PRRG3: variants seen among roughly 807,000 people sequenced by gnomAD.
PRRG3 encodes the protein transmembrane gamma-carboxyglutamic acid protein 3.
In PRRG3, 21 loss-of-function variants were observed where a neutral mutation model predicts 15.8. The ratio of observed to expected loss-of-function variants is 1.33; its 90% confidence interval spans 0.94 to 1.92. The LOEUF is 1.92. Among genes scored for constraint, PRRG3 ranks in the 40% most tolerant of loss-of-function variants. The pLI is 0.00. For missense variants in PRRG3, 251 were observed against 200.2 expected (o/e 1.25, Z -1.53); for synonymous variants, 125 against 84.1 (o/e 1.49, Z -2.66).
chrX:151,698,717 G>A (rs1307049684), intron 1 of PRRG3, 67 bp from the exon 2 acceptor site: 7 of 893,133 alleles, frequency 7.8e-6, no homozygotes, highest in Non-Finnish European at 1.1e-5. Flanking sequence ...ACATCCCAGA[G>A]CCAAGAGTGT....
chrX:151,699,014 T>C (rs765418171), intron 2 of PRRG3, among the ~76,000 whole-genome samples, 193 bp downstream of exon 2: 19 of 112,461 alleles, frequency 1.7e-4, no homozygotes, highest in Non-Finnish European at 1.9e-4. Flanking sequence ...CACTTGTAGA[T>C]GTGTACCTAC....
chrX:151,704,568 G>A lies in PRRG3; in HGVS notation c.*3535G>A, dbSNP rs1024471933. On this transcript the variant is annotated 3_prime_UTR_variant, in exon 4 of 4. Coordinates refer to ENST00000674457, the MANE Select transcript of PRRG3 (RefSeq NM_001372163.1). ...CTCTAGATTGTTATTTTGTCCAAGA[G>A]AGAGATCATGGAGAGAGTCTCTCTC... 1.8e-5 allele frequency: 2 copies of A among 111,411 alleles called. No individual in the cohort carries two copies. Among genetic ancestry groups the A allele is most frequent in the African/African-American group, 6.5e-5 (2 of 30,570 alleles). The allele number at this position is 111,411 out of a possible 1,213,427, so 9.2% of individuals were successfully genotyped here.
At position 151,698,772 on chromosome X, in the gene PRRG3, C is replaced by T; in HGVS notation, c.-31-12C>T. ...GTGGTTTCACTGCAACTTTGCTTTT[C>T]TCTTACTCCAGAGAAGTGAGACCCT... On this transcript the variant is annotated splice_polypyrimidine_tract_variant and intron_variant, in intron 1 of 3. Coordinates refer to ENST00000674457, the MANE Select transcript of PRRG3 (RefSeq NM_001372163.1). 3.3e-6 allele frequency: 4 copies of T among 1,194,741 alleles called. No homozygotes were observed. Among genetic ancestry groups the T allele is most frequent in the South Asian group, 1.8e-5 (1 of 54,807 alleles).
intron 2 of PRRG3, 168 bp from the exon 3 acceptor site, chrX:151,699,828 C>G: frequency 2.2e-6 from 1 of 463,644 alleles, no homozygotes; most frequent in Non-Finnish European, 3.6e-6. Context: ...CCCTTCCATC[C>G]CTTTCACAAA....
At chrX:151,699,433 C>G (rs1352017855) in intron 2 of PRRG3, among the ~76,000 whole-genome samples, 1 of 112,360 alleles carries the variant, frequency 8.9e-6, no homozygotes, top group Non-Finnish European at 1.9e-5. Flanking sequence ...CTGATCTAGC[C>G]TAGGCTGGCT....
rs55716425 is a variant in PRRG3 at position 151,703,912 on chromosome X, TTGTGTGTGTGTG to T, written c.*2909_*2920del. The T allele has an allele frequency of 5.7e-4, 11 of 19,181 alleles. No individual in the cohort carries two copies. Among genetic ancestry groups the T allele is most frequent in the African/African-American group, 2.1e-3 (11 of 5,339 alleles). 1.6% of individuals were successfully genotyped at this position (19,181 alleles called of 1,213,427 possible). On this transcript the variant is annotated 3_prime_UTR_variant, in exon 4 of 4. Transcript: ENST00000674457. Reference sequence around the variant, plus strand: ...TTTTTTTTTTTTTTTTTTTTTTTTTTTGTGTGTGTGTGTGTGTGTGTGTGTGTGTGTGTGTGT... The same window carrying T: ...TTTTTTTTTTTTTTTTTTTTTTTTTTTGTGTGTGTGTGTGTGTGTGTGTGT...
At chrX:151,697,094 T>TCCTCCCTC (rs1556247565) in intron 1 of PRRG3, among the ~76,000 whole-genome samples, 1 of 75,836 alleles carries the variant, frequency 1.3e-5, no homozygotes, top group Non-Finnish European at 2.4e-5. Flanking sequence ...CTTCCTTCCT[T>TCCTCCCTC]CCTCCCTCCC....
At chrX:151,695,094 G>A (rs2014733145), upstream of PRRG3, 1 of 110,300 alleles carries the variant, frequency 9.1e-6, no homozygotes, top group African/African-American at 3.2e-5. Flanking sequence ...TCCTCCACTC[G>A]GCCAGGCGGC....
chrX:151,700,052 G>T lies in PRRG3; in HGVS notation c.64G>T (p.Glu22Ter), dbSNP rs745958936. The T allele has an allele frequency of 8.3e-7, 1 of 1,211,830 alleles. No homozygotes were observed. The highest frequency in any genetic ancestry group is 1.8e-5 in the South Asian group (1 of 56,936). Residue 22 changes from glutamate to a stop codon, truncating the protein, a stop_gained, in exon 3 of 4, where the codon GAG becomes TAG. Coordinates refer to ENST00000674457, the MANE Select transcript of PRRG3 (RefSeq NM_001372163.1). LOFTEE classifies it high-confidence loss of function. ...CCTGAAACGATTCCCTCGTGCCAAT[G>T]AGTTCCTGGAGGAGCTGCGCCAGGG... is the stretch of plus-strand genomic sequence containing the variant. Reference protein sequence around the residue: ...SVLKRFPRANEFLEELRQGTI... With the variant: ...SVLKRFPRAN
chrX:151,700,897 G>C lies in PRRG3; in HGVS notation c.560G>C (p.Ser187Thr). ...LPELSLSRLS[S>T]TTPPPSYEEV... The stretch of plus-strand genomic sequence containing the variant: ...GAGCTCTCTCTCTCCAGACTGTCCA[G>C]CACCACCCCTCCCCCCTCCTACGAG... The change falls in exon 4 of 4, where the codon AGC becomes ACC. Residue 187 changes from serine (S) to threonine (T), a missense_variant. Physicochemically the swap from Ser to Thr is moderately conservative, Grantham distance 58. Coordinates refer to ENST00000674457, the MANE Select transcript of PRRG3 (RefSeq NM_001372163.1). 1 of 1,210,357 alleles carries C rather than the reference G, an allele frequency of 8.3e-7. No homozygotes were observed. The highest frequency in any genetic ancestry group is 1.8e-5 in the South Asian group (1 of 56,782).
Position 151,701,195 on chromosome X carries a change from G to T in PRRG3, c.*162G>T. ...TTAGGAAGTCAGTTGTCAGAGACAG[G>T]TGGGGAGGGTGGGGGTAGGGACCAC... On this transcript the variant is annotated 3_prime_UTR_variant, in exon 4 of 4. Coordinates refer to ENST00000674457, the MANE Select transcript of PRRG3 (RefSeq NM_001372163.1). 2.2e-6 allele frequency: 1 copy of T among 453,048 alleles called. No homozygotes were observed. Among genetic ancestry groups the T allele is most frequent in the Non-Finnish European group, 3.3e-6 (1 of 300,470 alleles). The allele number at this position is 453,048 out of a possible 1,213,427, so 37.3% of individuals were successfully genotyped here. A position where few individuals can be genotyped will look rare whatever the true frequency, so the allele number is the denominator to read the frequency against.
rs140876211 is a variant in PRRG3 at position 151,700,560 on chromosome X, C to G, written c.223C>G (p.Gln75Glu). The change falls in exon 4 of 4, where the codon CAG becomes GAG. Residue 75 changes from glutamine (Q) to glutamate (E), a missense_variant. Gln to Glu is a conservative substitution (Grantham distance 29, BLOSUM62 2). Coordinates refer to ENST00000674457, the MANE Select transcript of PRRG3 (RefSeq NM_001372163.1). ...AGTCTACTCTGTCCGAGACCCCTCG[C>G]AGAGCTCAGATGCCATGTATGTGGT... ...NAVYSVRDPS[Q>E]SSDAMYVVVP... 1.2e-5 allele frequency: 14 copies of G among 1,206,602 alleles called. No homozygotes were observed. The African/African-American group carries it at 1.6e-4, about 14-fold the overall frequency.
In PRRG3 at chrX:151,698,464, C is replaced by T. The variant is rs1050289344; in HGVS notation, c.-31-320C>T. On this transcript the variant is annotated intron_variant, in intron 1 of 3. Coordinates refer to ENST00000674457, the MANE Select transcript of PRRG3 (RefSeq NM_001372163.1). ...GGGAGCAAGGAAGGAGGAGCCTCAG[C>T]CTTTAGGAGCTTTCCTTTTTAAAAG... is the stretch of plus-strand genomic sequence containing the variant. 8 of 167,238 alleles carry T rather than the reference C, an allele frequency of 4.8e-5. No individual in the cohort carries two copies. The East Asian group carries it at 9.6e-4, about 20-fold the overall frequency. 13.8% of individuals were successfully genotyped at this position (167,238 alleles called of 1,213,427 possible).
At chrX:151,700,309 C>T (rs1194984538) in intron 3 of PRRG3, 153 bp downstream of exon 3, 3 of 1,152,662 alleles carry the variant, frequency 2.6e-6, no homozygotes, top group East Asian at 3.0e-5. Context: ...AAAGTACGTA[C>T]AGTCCCATTG....
chrX:151,700,279 A>G (rs779135522), intron 3 of PRRG3, 123 bp downstream of exon 3: 1 of 1,180,399 alleles, frequency 8.5e-7, no homozygotes, highest in Non-Finnish European at 1.1e-6. Flanking sequence ...CATAGCCACT[A>G]GGGCCATCAC....
chrX:151,700,859 C>A lies in PRRG3; in HGVS notation c.522C>A (p.Thr174=), dbSNP rs370201889. The A allele has an allele frequency of 1.7e-6, 2 of 1,204,539 alleles. No homozygotes were observed. Among genetic ancestry groups the A allele is most frequent in the African/African-American group, 3.5e-5 (2 of 56,345 alleles). The change falls in exon 4 of 4, where the codon ACC becomes ACA. Residue 174 remains threonine, a synonymous_variant. Coordinates refer to ENST00000674457, the MANE Select transcript of PRRG3 (RefSeq NM_001372163.1). Reference sequence around the variant, plus strand: ...GGACCACAGTCCGGCTAGAGAGCACCCTCTACCTCCCTGAGCTCTCTCTCT... The same window carrying A: ...GGACCACAGTCCGGCTAGAGAGCACACTCTACCTCCCTGAGCTCTCTCTCT... The part of the protein sequence containing the change: ...GGRTTVRLES[T]LYLPELSLSR...
Position 151,701,703 on chromosome X carries a change from G to C in PRRG3, c.*670G>C. On this transcript the variant is annotated 3_prime_UTR_variant, in exon 4 of 4. Coordinates refer to ENST00000674457, the MANE Select transcript of PRRG3 (RefSeq NM_001372163.1). The stretch of plus-strand genomic sequence containing the variant: ...CCCACACTCCTGGAAGGAGGACAGG[G>C]TGTGTGAAGGATGAGGGCCAGAGGG... 1 of 112,373 alleles carries C rather than the reference G, an allele frequency of 8.9e-6. No homozygotes were observed. Among genetic ancestry groups the C allele is most frequent in the Middle Eastern group, 4.6e-3 (1 of 216 alleles). 9.3% of individuals were successfully genotyped at this position (112,373 alleles called of 1,213,427 possible).
intron 1 of PRRG3, among the ~76,000 whole-genome samples, chrX:151,698,019 G>A (rs1233055154): frequency 9.0e-6 from 1 of 111,279 alleles, no homozygotes; most frequent in African/African-American, 3.3e-5. Flanking sequence ...AGAGAGAAGA[G>A]AGGCCTGGTT....
rs2014907094 is a variant in PRRG3, at chrX:151,702,767, A to T, written c.*1734A>T. The T allele has an allele frequency of 1.8e-5, 2 of 111,961 alleles. No individual in the cohort carries two copies. Among genetic ancestry groups the T allele is most frequent in the Non-Finnish European group, 3.8e-5 (2 of 53,183 alleles). 9.2% of individuals were successfully genotyped at this position (111,961 alleles called of 1,213,427 possible). On this transcript the variant is annotated 3_prime_UTR_variant, in exon 4 of 4. Coordinates refer to ENST00000674457, the MANE Select transcript of PRRG3 (RefSeq NM_001372163.1). ...AGAGATGCTGGTGAATGCAGGTGAC[A>T]TTCTACCTTTCGTTTCCTTGTCTTT...
Sources: gnomAD v4.1 joint callset for allele counts (sites outside exome capture counted in the v4.1 genomes callset) on GRCh38, gnomAD v4.1.1 for gene constraint, MANE v1.5 for transcripts, NCBI Gene and HGNC (gene_info 2026-07-23, HGNC 2026-07-21) for gene names.